Variants in HTR1F observed in about 807,000 individuals in gnomAD.
The protein encoded by HTR1F is 5-hydroxytryptamine (serotonin) receptor 1F, G protein-coupled.
Under a neutral mutation model 24.0 loss-of-function variants are expected in HTR1F, and 17 were observed. The observed-to-expected ratio is 0.71, with a 90% CI of 0.48 to 1.06. The LOEUF is 1.06. HTR1F is among the 50% of genes least tolerant of loss of function. The pLI, the probability that HTR1F is intolerant of heterozygous loss-of-function variation, is 0.00. For synonymous variants in HTR1F, 186 were observed against 156.8 expected (o/e 1.19, Z -1.39); for missense variants, 391 against 427.8 (o/e 0.91, Z 0.76).
At chr3:87,944,683 C>T (rs766830745) in intron 2 of HTR1F, among the ~76,000 whole-genome samples, 1 of 152,216 alleles carries the variant, frequency 6.6e-6, no homozygotes, top group Non-Finnish European at 1.5e-5. Context: ...AGTTAGTAAG[C>T]TATCTTTGTG....
chr3:87,980,120 C>T (rs946991110), intron 2 of HTR1F, among the ~76,000 whole-genome samples: 1 of 152,182 alleles, frequency 6.6e-6, no homozygotes, highest in Admixed American at 6.5e-5. Context: ...TTCAGTGGGT[C>T]CCAAATTCTT....
chr3:87,855,667 C>T (rs1705183533), intron 2 of HTR1F, among the ~76,000 whole-genome samples: 1 of 152,008 alleles, frequency 6.6e-6, no homozygotes, highest in African/African-American at 2.4e-5. Context: ...GTGAATTACC[C>T]ATAACCTAAC....
intron 2 of HTR1F, among the ~76,000 whole-genome samples, chr3:87,884,903 C>A (rs1408499821): frequency 2.0e-5 from 3 of 152,102 alleles, no homozygotes; most frequent in Admixed American, 2.0e-4. Context: ...TAATGGGAGA[C>A]TTTAACACCC....
intron 2 of HTR1F, among the ~76,000 whole-genome samples, chr3:87,835,413 C>G (rs1196754144): frequency 1.3e-5 from 2 of 152,132 alleles, no homozygotes; most frequent in Non-Finnish European, 2.9e-5. Flanking sequence ...GGGGACTTTT[C>G]TGAGCCTGGT....
intron 2 of HTR1F, among the ~76,000 whole-genome samples, chr3:87,900,671 T>A (rs1339353804): frequency 6.6e-6 from 1 of 152,096 alleles, no homozygotes. Context: ...CTGAATATAT[T>A]TTAAAGTTAG....
chr3:87,809,110 T>C (rs924251571), intron 1 of HTR1F, among the ~76,000 whole-genome samples: 3 of 151,886 alleles, frequency 2.0e-5, no homozygotes, highest in African/African-American at 7.2e-5. Flanking sequence ...TTAATTCTTA[T>C]ATGAATAGAT....
intron 2 of HTR1F, among the ~76,000 whole-genome samples, chr3:87,933,657 G>A (rs1436828071): frequency 1.3e-5 from 2 of 152,076 alleles, no homozygotes; most frequent in Non-Finnish European, 2.9e-5. Flanking sequence ...GGGACATGAA[G>A]GACCTCTTCA....
At chr3:87,899,962 C>T (rs1706285876) in intron 2 of HTR1F, among the ~76,000 whole-genome samples, 1 of 152,120 alleles carries the variant, frequency 6.6e-6, no homozygotes, top group African/African-American at 2.4e-5. Flanking sequence ...ATAGGCTCTA[C>T]ACATGTGTGC....
At chr3:87,874,931 C>T (rs904429116) in intron 2 of HTR1F, among the ~76,000 whole-genome samples, 1 of 152,052 alleles carries the variant, frequency 6.6e-6, no homozygotes, top group Non-Finnish European at 1.5e-5. Context: ...TGAATATCCA[C>T]ATGAAAAGAA....
rs189749455 is a variant in HTR1F, at chr3:87,880,823, T to G, written c.-43+58699T>G. Among the ~76,000 whole-genome samples the G allele has an allele frequency of 2.0e-4, 30 of 152,320 alleles. No individual in the cohort carries two copies. The East Asian group carries it at 5.6e-3, about 28-fold the overall frequency. ...ACTCTTTTCAGTTTTTCTCTAGTTT[T>G]GGGATTTTCAACGTAAACAGTTGTA... is the stretch of plus-strand genomic sequence containing the variant. On this transcript the variant is annotated intron_variant, in intron 2 of 2. Coordinates refer to ENST00000319595, the MANE Select transcript of HTR1F (RefSeq NM_001322209.2).
Position 87,964,689 on chromosome 3 carries a change from TG to T in HTR1F, c.-42-26016del, listed in dbSNP as rs1191096604. 3.3e-5 allele frequency among the ~76,000 whole-genome samples: 5 copies of T among 152,290 alleles called. No individual in the cohort carries two copies. In the East Asian group the frequency reaches 9.6e-4, roughly 29 times the overall value. ...AAAGAAGAGCAAAGAAAAATGTAGA[TG>T]GGAGAGACCACTAGGATCTGGAAAG... On this transcript the variant is annotated intron_variant, in intron 2 of 2. Transcript: ENST00000319595.
chr3:87,877,752 T>G (rs1440077845), intron 2 of HTR1F, among the ~76,000 whole-genome samples: 1 of 152,178 alleles, frequency 6.6e-6, no homozygotes, highest in Non-Finnish European at 1.5e-5. Flanking sequence ...ATACTGTACA[T>G]GGAGGATGAG....
chr3:87,862,620 T>A (rs1260767960), intron 2 of HTR1F, among the ~76,000 whole-genome samples: 1 of 152,188 alleles, frequency 6.6e-6, no homozygotes. Flanking sequence ...TAGACACGTG[T>A]CTTTTCCATG....
At chr3:87,884,627 T>A (rs1475803224) in intron 2 of HTR1F, among the ~76,000 whole-genome samples, 1 of 152,008 alleles carries the variant, frequency 6.6e-6, no homozygotes, top group Admixed American at 6.6e-5. Flanking sequence ...GAGACACACA[T>A]AGGCTCAAAA....
chr3:87,939,461 C>G (rs1041761468), intron 2 of HTR1F, among the ~76,000 whole-genome samples: 1 of 152,132 alleles, frequency 6.6e-6, no homozygotes, highest in African/African-American at 2.4e-5. Flanking sequence ...ACCAGCTCCT[C>G]TTGTACCTCT....
At chr3:87,892,490 T>G (rs1024941788) in intron 2 of HTR1F, among the ~76,000 whole-genome samples, 6 of 152,170 alleles carry the variant, frequency 3.9e-5, no homozygotes, top group African/African-American at 1.4e-4. Context: ...ATTAGAGACC[T>G]GAATTCAAAA....
intron 2 of HTR1F, among the ~76,000 whole-genome samples, chr3:87,860,826 G>A (rs1414176623): frequency 1.3e-5 from 2 of 152,102 alleles, no homozygotes; most frequent in Admixed American, 1.3e-4. Flanking sequence ...AACTGCAAAA[G>A]AGAATGCCAA....
intron 2 of HTR1F, among the ~76,000 whole-genome samples, chr3:87,936,593 G>T (rs1704424038): frequency 6.6e-6 from 1 of 152,078 alleles, no homozygotes; most frequent in Non-Finnish European, 1.5e-5. Flanking sequence ...TGATGTTTCT[G>T]ACCACGGTTT....
At chr3:87,856,298 T>C (rs116821195) in intron 2 of HTR1F, among the ~76,000 whole-genome samples, 4,317 of 152,100 alleles carry the variant, frequency 0.028, 105 homozygotes, top group Non-Finnish European at 0.036. Flanking sequence ...GTATCCCTCA[T>C]GAGTAAGAGA....
Sources: gnomAD v4.1 joint callset for allele counts (sites outside exome capture counted in the v4.1 genomes callset) on GRCh38, gnomAD v4.1.1 for gene constraint, MANE v1.5 for transcripts, NCBI Gene and HGNC (gene_info 2026-07-23, HGNC 2026-07-21) for gene names.